Variants in PTPRK observed in about 807,000 individuals in gnomAD.
The protein encoded by PTPRK is protein tyrosine phosphatase receptor type K.
Under a neutral mutation model 178.0 loss-of-function variants are expected in PTPRK, and 75 were observed. The ratio of observed to expected loss-of-function variants is 0.42; its 90% CI spans 0.35 to 0.51. PTPRK has a LOEUF of 0.51. Among genes scored for constraint, PTPRK ranks in the 20% least tolerant of loss-of-function variants. PTPRK has a pLI of 0.02. For synonymous variants in PTPRK, 637 were observed against 620.6 expected, an observed-to-expected ratio of 1.03 and a Z score of -0.39; for missense variants, 1,441 against 1,797.8, an observed-to-expected ratio of 0.80 and a Z score of 3.59.
intron 6 of PTPRK, among the ~76,000 whole-genome samples, chr6:128,210,026 T>C (rs1288588396): frequency 6.6e-6 from 1 of 152,054 alleles, no homozygotes; most frequent in Non-Finnish European, 1.5e-5. Flanking sequence ...TCACTCTGGC[T>C]TCTGTGTGAA....
intron 3 of PTPRK, among the ~76,000 whole-genome samples, chr6:128,299,421 C>T (rs1244821808): frequency 2.6e-5 from 4 of 151,056 alleles, no homozygotes; most frequent in Admixed American, 6.6e-5. Flanking sequence ...CAAGTCAATC[C>T]TAAGCCAAAA....
intron 7 of PTPRK, among the ~76,000 whole-genome samples, chr6:128,102,536 G>T (rs1308810083): frequency 6.6e-6 from 1 of 152,020 alleles, no homozygotes; most frequent in Non-Finnish European, 1.5e-5. Context: ...GAAATAATAG[G>T]GTTGCAGAAA....
chr6:128,046,705 AACC>A (rs1778085603), intron 13 of PTPRK, among the ~76,000 whole-genome samples: 1 of 152,138 alleles, frequency 6.6e-6, no homozygotes, highest in South Asian at 2.1e-4. Context: ...CTTGCTTTTA[AACC>A]ACCCTCCACT....
chr6:128,421,219 AG>A (rs1843435425), intron 1 of PTPRK, among the ~76,000 whole-genome samples: 1 of 152,218 alleles, frequency 6.6e-6, no homozygotes, highest in African/African-American at 2.4e-5. Context: ...AAAATTATAA[AG>A]CAATAAAGTT....
intron 2 of PTPRK, among the ~76,000 whole-genome samples, chr6:128,382,174 GA>G (rs964887794): frequency 3.7e-5 from 5 of 134,270 alleles, no homozygotes; most frequent in South Asian, 2.4e-4. Flanking sequence ...AAAAAAAAAG[GA>G]AAAAAATCAA....
intron 13 of PTPRK, among the ~76,000 whole-genome samples, chr6:128,039,088 C>T (rs1294747120): frequency 6.6e-6 from 1 of 152,022 alleles, no homozygotes; most frequent in Admixed American, 6.6e-5. Flanking sequence ...TATTATATGA[C>T]CTGACAATAT....
chr6:127,994,018 A>AT (rs561402419), intron 18 of PTPRK, among the ~76,000 whole-genome samples: 1 of 151,706 alleles, frequency 6.6e-6, no homozygotes, highest in Non-Finnish European at 1.5e-5. Context: ...AGAACTGTTG[A>AT]TTTTTTTATT....
chr6:128,050,752 G>A (rs1444567934), intron 13 of PTPRK, among the ~76,000 whole-genome samples: 1 of 152,064 alleles, frequency 6.6e-6, no homozygotes, highest in African/African-American at 2.4e-5. Context: ...TATTGCCCAG[G>A]CTGATCTTGA....
At chr6:128,501,448 T>C (rs1855546851) in intron 1 of PTPRK, among the ~76,000 whole-genome samples, 1 of 151,954 alleles carries the variant, frequency 6.6e-6, no homozygotes, top group Admixed American at 6.6e-5. Flanking sequence ...AAAATACATA[T>C]ACAACATATT....
intron 2 of PTPRK, among the ~76,000 whole-genome samples, chr6:128,346,392 T>C (rs1219229076): frequency 3.3e-5 from 5 of 152,214 alleles, no homozygotes; most frequent in South Asian, 2.1e-4. Context: ...TTTTTAAAAG[T>C]TGAAGTTTTC....
chr6:128,067,448 T>A (rs891699425), intron 12 of PTPRK, 71 bp downstream of exon 12: 1 of 1,400,002 alleles, frequency 7.1e-7, no homozygotes, highest in Non-Finnish European at 9.6e-7. Context: ...CGGATGCTAC[T>A]GAGTATTCAT....
intron 7 of PTPRK, among the ~76,000 whole-genome samples, chr6:128,112,282 A>T (rs1790795883): frequency 1.3e-5 from 2 of 152,126 alleles, no homozygotes; most frequent in Non-Finnish European, 2.9e-5. Flanking sequence ...TAGTAAAGAG[A>T]ATGGAAAATA....
At chr6:128,056,716 G>A (rs530116686) in intron 13 of PTPRK, among the ~76,000 whole-genome samples, 219 of 152,158 alleles carry the variant, frequency 1.4e-3, no homozygotes, top group African/African-American at 4.3e-3. Flanking sequence ...GAGCCACGGC[G>A]CCTGGCTAGA....
intron 1 of PTPRK, among the ~76,000 whole-genome samples, chr6:128,490,845 A>G (rs1853662090): frequency 6.6e-6 from 1 of 152,214 alleles, no homozygotes; most frequent in South Asian, 2.1e-4. Flanking sequence ...TGATTTCTGG[A>G]TAGCCACCTT....
intron 8 of PTPRK, among the ~76,000 whole-genome samples, chr6:128,084,357 T>C (rs1420405696): frequency 6.6e-6 from 1 of 152,184 alleles, no homozygotes; most frequent in Admixed American, 6.5e-5. Flanking sequence ...TTTATAGCTA[T>C]ATGTATTAAA....
chr6:128,072,977 C>G (rs897934274), intron 11 of PTPRK, among the ~76,000 whole-genome samples: 2 of 152,020 alleles, frequency 1.3e-5, no homozygotes, highest in Non-Finnish European at 2.9e-5. Context: ...AAACAAAAGA[C>G]CTAGCATTGC....
chr6:128,465,618 C>T (rs550016554), intron 1 of PTPRK, among the ~76,000 whole-genome samples: 2 of 152,102 alleles, frequency 1.3e-5, no homozygotes, highest in Admixed American at 1.3e-4. Flanking sequence ...AATGAAAATG[C>T]AGGCCTTTTA....
At chr6:128,097,209 G>T (rs575832467) in intron 7 of PTPRK, among the ~76,000 whole-genome samples, 31 of 152,250 alleles carry the variant, frequency 2.0e-4, no homozygotes, top group African/African-American at 7.2e-4. Context: ...TTCTGGCTGT[G>T]TTGCTGAAAT....
intron 2 of PTPRK, among the ~76,000 whole-genome samples, chr6:128,340,466 A>T (rs923557156): frequency 1.3e-5 from 2 of 152,208 alleles, no homozygotes; most frequent in Non-Finnish European, 2.9e-5. Context: ...TGCTCTGTTA[A>T]TTCACTATGG....
Sources: gnomAD v4.1 joint callset for allele counts (sites outside exome capture counted in the v4.1 genomes callset) on GRCh38, gnomAD v4.1.1 for gene constraint, MANE v1.5 for transcripts, NCBI Gene and HGNC (gene_info 2026-07-23, HGNC 2026-07-21) for gene names.